Variants in FBXO38 observed in about 807,000 individuals in gnomAD.
FBXO38 encodes F-box protein 38.
Under a neutral mutation model 131.9 loss-of-function variants are expected in FBXO38, and 53 were observed. The observed-to-expected ratio is 0.40, with a 90% CI of 0.32 to 0.51. The LOEUF (loss-of-function observed/expected upper bound fraction) is 0.51, where lower values mean the gene tolerates loss of function less well. Ranked by LOEUF, FBXO38 falls within the 20% of genes least tolerant of loss-of-function variation. The probability of loss-of-function intolerance (pLI) is 0.53; values close to 1 mark genes in which losing one functional copy is unlikely to be tolerated. For missense variants in FBXO38, 1,076 were observed against 1,475.6 expected (o/e 0.73, Z 4.44); for synonymous variants, 452 against 505.6 (o/e 0.89, Z 1.42).
intron 12 of FBXO38, among the ~76,000 whole-genome samples, chr5:148,423,098 G>GT (rs1753532919): frequency 6.6e-6 from 1 of 152,128 alleles, no homozygotes; most frequent in Admixed American, 6.6e-5. Flanking sequence ...AGAATTAGTT[G>GT]TTTCTTGTCT....
chr5:148,386,575 C>T (rs1449976036), intron 1 of FBXO38, among the ~76,000 whole-genome samples: 1 of 152,118 alleles, frequency 6.6e-6, no homozygotes, highest in African/African-American at 2.4e-5. Context: ...TGGTCCTCTT[C>T]AACTTTTAAC....
rs1754727175 is a variant in FBXO38, at chr5:148,442,228, A to G, written c.*81A>G. 1 of 1,378,692 alleles carries G rather than the reference A, an allele frequency of 7.3e-7. No homozygotes were observed. The highest frequency in any genetic ancestry group is 1.0e-6 in the Non-Finnish European group (1 of 988,740). 85.4% of individuals were successfully genotyped at this position (1,378,692 alleles called of 1,614,324 possible). ...TGCCAGAGTGCTCCACAGGGACTTG[A>G]GGCATGCAGTTGGGAGGTCCTGGCT... On this transcript the variant is annotated 3_prime_UTR_variant, in exon 22 of 22. Coordinates refer to ENST00000340253, the MANE Select transcript of FBXO38 (RefSeq NM_205836.3).
Position 148,427,526 on chromosome 5 carries a change from G to T in FBXO38, c.2232G>T (p.Val744=), listed in dbSNP as rs1395895460. Residue 744 remains valine (V), a synonymous_variant, in exon 15 of 22, where the codon GTG becomes GTT. Coordinates refer to ENST00000340253, the MANE Select transcript of FBXO38 (RefSeq NM_205836.3). Reference sequence around the variant, plus strand: ...CTTCCGAGCCTAGCCCTACAGAAGTGGATGTGTCCAGGCAGTGTGCCTGCT... The same window carrying T: ...CTTCCGAGCCTAGCCCTACAGAAGTTGATGTGTCCAGGCAGTGTGCCTGCT... ...GGSSEPSPTE[V]DVSRQCACSP... The T allele has an allele frequency of 1.2e-6, 2 of 1,614,172 alleles. No homozygotes were observed. The highest frequency in any genetic ancestry group is 2.2e-5 in the South Asian group (2 of 91,086).
chr5:148,394,964 G>A, intron 2 of FBXO38, 60 bp downstream of exon 2: 2 of 1,437,270 alleles, frequency 1.4e-6, no homozygotes, highest in East Asian at 2.6e-5. Context: ...CCCTGAGGCA[G>A]TGCTGTCTAA....
intron 4 of FBXO38, 85 bp from the exon 5 acceptor site, chr5:148,402,263 T>G: frequency 6.5e-7 from 1 of 1,540,368 alleles, no homozygotes; most frequent in Non-Finnish European, 8.8e-7. Flanking sequence ...TAAGTTCCAT[T>G]GTGTACTTAG....
In FBXO38 at chr5:148,398,854, C is replaced by T; in HGVS notation, c.129-145C>T. The T allele has an allele frequency of 9.1e-6, 8 of 879,822 alleles. No homozygotes were observed. In the Admixed American group the frequency reaches 1.3e-4, roughly 14 times the overall value. The allele number at this position is 879,822 out of a possible 1,614,324, so 54.5% of individuals were successfully genotyped here. ...CCTTTGTAGTAAAAAGCTGTATGACCGTATGTGTGGTAGCTTTAAATCTCT... is the reference window on the plus strand; with the variant it reads ...CCTTTGTAGTAAAAAGCTGTATGACTGTATGTGTGGTAGCTTTAAATCTCT... On this transcript the variant is annotated intron_variant, in intron 2 of 21. Transcript: ENST00000340253.
At chr5:148,424,165 A>G (rs2113616906) in intron 13 of FBXO38, 48 bp downstream of exon 13, 1 of 1,574,772 alleles carries the variant, frequency 6.4e-7, no homozygotes, top group Non-Finnish European at 8.6e-7. Flanking sequence ...ACTACGGCCT[A>G]ACTGTAATGA....
intron 15 of FBXO38, among the ~76,000 whole-genome samples, chr5:148,429,424 A>G (rs984282921): frequency 6.6e-6 from 1 of 151,596 alleles, no homozygotes; most frequent in Non-Finnish European, 1.5e-5. Flanking sequence ...ATGCTCTTTT[A>G]TCATCTACTA....
chr5:148,403,499 C>T (rs535195615), intron 5 of FBXO38, among the ~76,000 whole-genome samples: 2 of 152,198 alleles, frequency 1.3e-5, no homozygotes, highest in East Asian at 3.9e-4. Flanking sequence ...TCAGTACTAC[C>T]ATCTTCATAG....
chr5:148,429,299 C>G (rs1294240570), intron 15 of FBXO38, among the ~76,000 whole-genome samples: 4 of 151,510 alleles, frequency 2.6e-5, no homozygotes, highest in African/African-American at 7.3e-5. Context: ...TTCCTTAGTT[C>G]AGTTGGAATT....
intron 5 of FBXO38, 106 bp from the exon 6 acceptor site, chr5:148,404,579 A>T: frequency 1.1e-6 from 1 of 937,626 alleles, no homozygotes; most frequent in South Asian, 2.6e-5. Flanking sequence ...AAATCCTTGA[A>T]GGTTAAGCTG....
At chr5:148,438,230 CT>C in intron 17 of FBXO38, 101 bp from the exon 18 acceptor site, 1 of 986,184 alleles carries the variant, frequency 1.0e-6, no homozygotes. Flanking sequence ...TATTTGACCT[CT>C]GTTAAAGATG....
chr5:148,386,751 A>G (rs1237195784), intron 1 of FBXO38, among the ~76,000 whole-genome samples: 2 of 152,168 alleles, frequency 1.3e-5, no homozygotes, highest in African/African-American at 4.8e-5. Context: ...GAGATACTGC[A>G]GGTTTGGTTC....
At chr5:148,434,316 T>A (rs1754219238) in intron 17 of FBXO38, 1 of 152,220 alleles carries the variant, frequency 6.6e-6, no homozygotes, top group African/African-American at 2.4e-5. Context: ...TATATATGTG[T>A]CTGTCTCAAA....
chr5:148,403,256 G>C (rs767486704), intron 5 of FBXO38, among the ~76,000 whole-genome samples: 3 of 151,760 alleles, frequency 2.0e-5, no homozygotes. Flanking sequence ...ATAAGTACAG[G>C]GTAAGTTTTA....
At chr5:148,419,956 ATATT>A (rs1223721946) in intron 12 of FBXO38, among the ~76,000 whole-genome samples, 1 of 151,990 alleles carries the variant, frequency 6.6e-6, no homozygotes, top group Non-Finnish European at 1.5e-5. Flanking sequence ...CACAGTTACT[ATATT>A]TATCAAAATT....
chr5:148,393,957 C>G (rs373703641), intron 1 of FBXO38, among the ~76,000 whole-genome samples: 49 of 152,128 alleles, frequency 3.2e-4, no homozygotes, highest in African/African-American at 1.1e-3. Context: ...CCTGCTTTCC[C>G]TCTCCATTCC....
intron 17 of FBXO38, among the ~76,000 whole-genome samples, chr5:148,435,396 G>A (rs1322353300): frequency 6.6e-6 from 1 of 152,170 alleles, no homozygotes. Flanking sequence ...GCTAACTGGC[G>A]CAAGAGACCT....
intron 12 of FBXO38, among the ~76,000 whole-genome samples, chr5:148,421,206 C>T (rs186173981): frequency 2.6e-5 from 4 of 152,076 alleles, no homozygotes; most frequent in Non-Finnish European, 5.9e-5. Flanking sequence ...CCTCACGATC[C>T]GCCCACCCTG....
Sources: allele counts gnomAD v4.1 joint callset (sites outside exome capture counted in the v4.1 genomes callset), GRCh38; gene constraint gnomAD v4.1.1; transcripts MANE v1.5; gene names NCBI Gene and HGNC (gene_info 2026-07-23, HGNC 2026-07-21).